The following FLG2 variants were observed in gnomAD, a reference collection of about 807,000 sequenced individuals.
FLG2 encodes filaggrin-2.
Under a neutral mutation model 3.9 loss-of-function variants are expected in FLG2, and 7 were observed. The observed-to-expected ratio is 1.79, with a 90% CI of 1.02 to 3.36. The LOEUF (loss-of-function observed/expected upper bound fraction) is 3.36, where lower values mean the gene tolerates loss of function less well. Among genes scored for constraint, FLG2 ranks in the 30% most tolerant of loss-of-function variants. The pLI is 0.00. For synonymous variants in FLG2, 1,031 were observed against 1,056.1 expected, an observed-to-expected ratio of 0.98 and a Z score of 0.46; for missense variants, 2,700 against 2,809.4, an observed-to-expected ratio of 0.96 and a Z score of 0.88.
Position 152,354,880 on chromosome 1 carries a change from C to A in FLG2, c.2906G>T (p.Gly969Val). Residue 969 changes from glycine to valine, a missense_variant, in exon 3 of 3, where the codon GGT (glycine) becomes GTT (valine). By Grantham distance (109) the Gly-to-Val change is moderately radical. Transcript: ENST00000388718. Reference protein sequence around the residue: ...SGFGQHGSGSGQSSGFGQHES... With the variant: ...SGFGQHGSGSVQSSGFGQHES... Reference sequence around the variant, plus strand: ...ATGTTGTCCAAAGCCAGAGGACTGACCTGAGCCTGATCCATGTTGGCCAAA... The same window carrying A: ...ATGTTGTCCAAAGCCAGAGGACTGAACTGAGCCTGATCCATGTTGGCCAAA... 1 of 1,612,670 alleles carries A rather than the reference C, an allele frequency of 6.2e-7. No individual in the cohort carries two copies. The highest frequency in any genetic ancestry group is 8.5e-7 in the Non-Finnish European group (1 of 1,179,642).
rs2101682210 is a variant in FLG2, at chr1:152,357,448, C to T, written c.338G>A (p.Ser113Asn). The stretch of plus-strand genomic sequence containing the variant: ...ATCCTCTTCATCCTCTTCTGTTTCA[C>T]TTTCTTCTTCTTGGTGTCGGTGACC... ...RRGHRHQEEE[S>N]ETEEDEEDTP... is the part of the protein sequence containing the mutation. The change falls in exon 3 of 3, where the codon AGT (serine) becomes AAT (asparagine). Residue 113 changes from serine to asparagine, a missense_variant. Coordinates refer to ENST00000388718, the MANE Select transcript of FLG2 (RefSeq NM_001014342.3). The T allele has an allele frequency of 6.2e-7, 1 of 1,614,148 alleles. No homozygotes were observed. Among genetic ancestry groups the T allele is most frequent in the East Asian group, 2.2e-5 (1 of 44,874 alleles).
intron 1 of FLG2, among the ~76,000 whole-genome samples, chr1:152,359,321 A>T (rs1286443870): frequency 6.6e-6 from 1 of 152,188 alleles, no homozygotes; most frequent in Non-Finnish European, 1.5e-5. Flanking sequence ...GTCAAAAGTG[A>T]CAGACCTTCC....
rs751267958 is a variant in FLG2, at chr1:152,350,420, TTGAC to T, written c.*186_*189del. On this transcript the variant is annotated 3_prime_UTR_variant, in exon 3 of 3. Transcript: ENST00000388718. ...TATCCAGGTTGAACATAGGTGTTGT[TTGAC>T]TGTTTATGAGTTACTATAGAATGTC... is the stretch of plus-strand genomic sequence containing the variant. 7 of 714,830 alleles carry T rather than the reference TTGAC, an allele frequency of 9.8e-6. No individual in the cohort carries two copies. In the East Asian group the frequency reaches 1.4e-4, roughly 14 times the overall value. The allele number at this position is 714,830 out of a possible 1,614,324, so 44.3% of individuals were successfully genotyped here. A position where few individuals can be genotyped will look rare whatever the true frequency, so the allele number is the denominator to read the frequency against.
intron 2 of FLG2, among the ~76,000 whole-genome samples, chr1:152,358,248 C>G (rs1654322191): frequency 6.6e-6 from 1 of 152,084 alleles, no homozygotes; most frequent in Non-Finnish European, 1.5e-5. Flanking sequence ...GTCTTGATCT[C>G]CTTACCTTGT....
In FLG2 at chr1:152,357,329, A is replaced by G; in HGVS notation, c.457T>C (p.Cys153Arg). ...SSGHSRGTVK[C>R]RHGSNSRRLG... Reference sequence around the variant, plus strand: ...CTCCTGGAGTTGGACCCATGTCTACATTTCACAGTTCCCCTTGAGTGCCCA... The same window carrying G: ...CTCCTGGAGTTGGACCCATGTCTACGTTTCACAGTTCCCCTTGAGTGCCCA... The change falls in exon 3 of 3, where the codon TGT (cysteine) becomes CGT (arginine). Residue 153 changes from cysteine (C) to arginine (R), a missense_variant. Cys to Arg is a radical substitution (Grantham distance 180, BLOSUM62 -3). Coordinates refer to ENST00000388718, the MANE Select transcript of FLG2 (RefSeq NM_001014342.3). 1 of 1,614,064 alleles carries G rather than the reference A, an allele frequency of 6.2e-7. No individual in the cohort carries two copies. The highest frequency in any genetic ancestry group is 8.5e-7 in the Non-Finnish European group (1 of 1,180,014).
Position 152,352,794 on chromosome 1 carries a change from C to T in FLG2, c.4992G>A (p.Gly1664=), listed in dbSNP as rs1570938215. The change falls in exon 3 of 3, where the codon GGG becomes GGA. Residue 1664 remains glycine (G), a synonymous_variant. Transcript: ENST00000388718. ...SESSDSEVHS[G]VSHTHTGHTH... ...TGTGTCCTGTATGTGTGTGTGAGAC[C>T]CCTGAGTGCACTTCACTGTCACTGG... 6.2e-7 allele frequency: 1 copy of T among 1,612,422 alleles called. No individual in the cohort carries two copies. Among genetic ancestry groups the T allele is most frequent in the Non-Finnish European group, 8.5e-7 (1 of 1,179,674 alleles).
intron 1 of FLG2, 109 bp from the exon 2 acceptor site, chr1:152,359,015 T>C (rs1654355086): frequency 9.7e-7 from 1 of 1,029,620 alleles, no homozygotes; most frequent in South Asian, 1.7e-5. Flanking sequence ...GTTTTTTAAA[T>C]CTCAAAACGT....
At position 152,351,537 on chromosome 1, in the gene FLG2, A is replaced by G. The variant is rs552484311; in HGVS notation, c.6249T>C (p.Ala2083=). ...HGQTGDTTRH[A]HSGHGQSTQR... is the part of the protein sequence containing the mutation. Reference sequence around the variant, plus strand: ...GTGTGGACTGTCCATGACCAGAGTGAGCATGTCTAGTGGTATCTCCTGTCT... The same window carrying G: ...GTGTGGACTGTCCATGACCAGAGTGGGCATGTCTAGTGGTATCTCCTGTCT... Residue 2083 remains alanine (A), a synonymous_variant, in exon 3 of 3, where the codon GCT becomes GCC. Transcript: ENST00000388718. 3.6e-4 allele frequency: 556 copies of G among 1,536,302 alleles called. No homozygotes were observed. Among genetic ancestry groups the G allele is most frequent in the African/African-American group, 2.1e-3 (122 of 56,906 alleles).
intron 2 of FLG2, 25 bp downstream of exon 2, chr1:152,358,720 CCT>C: frequency 1.2e-6 from 2 of 1,605,748 alleles, no homozygotes; most frequent in Non-Finnish European, 8.5e-7. Flanking sequence ...ACTCCAGCAG[CCT>C]TCAGTTCTGG....
Position 152,356,292 on chromosome 1 carries a change from G to T in FLG2, c.1494C>A (p.Gly498=). 2 of 1,613,848 alleles carry T rather than the reference G, an allele frequency of 1.2e-6. No individual in the cohort carries two copies. Among genetic ancestry groups the T allele is most frequent in the Non-Finnish European group, 1.7e-6 (2 of 1,179,962 alleles). ...GTCCAAAGCCAGAGGACTGACCTGA[G>T]CCTGACCCACATTGTCCAAAGCCAG... ...QSSGFGQCGS[G]SGQSSGFGQH... Residue 498 remains glycine (G), a synonymous_variant, in exon 3 of 3, where the codon GGC becomes GGA. Transcript: ENST00000388718.
rs1477377707 is a variant in FLG2, at chr1:152,355,020, A to G, written c.2766T>C (p.Tyr922=). 1.3e-6 allele frequency: 2 copies of G among 1,565,970 alleles called. No homozygotes were observed. The highest frequency in any genetic ancestry group is 3.6e-5 in the Admixed American group (2 of 55,118). The stretch of plus-strand genomic sequence containing the variant: ...GACTTGAGCCAGAACCATGTTGGCC[A>G]TAGCTAGACTGATGTGATCTAGACT... ...QHESRSHQSS[Y]GQHGSGSSQS... is the part of the protein sequence containing the mutation. The change falls in exon 3 of 3, where the codon TAT becomes TAC. Residue 922 remains tyrosine, a synonymous_variant. Transcript: ENST00000388718.
rs149671990 is a variant in FLG2 at position 152,351,898 on chromosome 1, C to T, written c.5888G>A (p.Gly1963Glu). 9.1e-5 allele frequency: 147 copies of T among 1,608,252 alleles called. 1 individual carries two copies. The South Asian group carries it at 1.4e-3, about 16-fold the overall frequency. The change falls in exon 3 of 3, where the codon GGG becomes GAG. Residue 1963 changes from glycine (G) to glutamate (E), a missense_variant. Transcript: ENST00000388718. ...ATGTGTGTGTGAGACCCCTGAGGGC[C>T]CTTCACTGTCACTGTACTCACTGTG... ...SGHSEYSDSE[G>E]PSGVSHTHSG... is the part of the protein sequence containing the mutation.
chr1:152,351,977 G>T lies in FLG2; in HGVS notation c.5809C>A (p.His1937Asn). ...GACCCTGTCTGTATGGTTTGTCCAT[G>T]ACTAGGGTGGCCATGTTCAGTGGTA... ...GDTTEHGHPS[H>N]GQTIQTGSRT... The change falls in exon 3 of 3, where the codon CAT becomes AAT. Residue 1937 changes from histidine to asparagine, a missense_variant. Physicochemically the swap from His to Asn is moderately conservative, Grantham distance 68 (BLOSUM62 1). Transcript: ENST00000388718. 1 of 1,613,692 alleles carries T rather than the reference G, an allele frequency of 6.2e-7. No homozygotes were observed. The highest frequency in any genetic ancestry group is 8.5e-7 in the Non-Finnish European group (1 of 1,179,870).
rs758626431 is a variant in FLG2 at position 152,354,970 on chromosome 1, C to A, written c.2816G>T (p.Gly939Val). The change falls in exon 3 of 3, where the codon GGG becomes GTG. Residue 939 changes from glycine (G) to valine (V), a missense_variant. Coordinates refer to ENST00000388718, the MANE Select transcript of FLG2 (RefSeq NM_001014342.3). ...SSQSSGYGQHGSSSGQTFGFG... is the reference protein window; with the variant it reads ...SSQSSGYGQHVSSSGQTFGFG... The stretch of plus-strand genomic sequence containing the variant: ...TCCAAAAGTCTGTCCTGAACTTGAC[C>A]CATGTTGACCATAGCCAGATGACTG... 14 of 1,589,912 alleles carry A rather than the reference C, an allele frequency of 8.8e-6. No homozygotes were observed. Among genetic ancestry groups the A allele is most frequent in the East Asian group, 5.0e-5 (2 of 39,916 alleles).
Position 152,353,122 on chromosome 1 carries a change from T to G in FLG2, c.4664A>C (p.Tyr1555Ser). The change falls in exon 3 of 3, where the codon TAC becomes TCC. Residue 1555 changes from tyrosine (Y) to serine (S), a missense_variant. Physicochemically the swap from Tyr to Ser is moderately radical, Grantham distance 144 (BLOSUM62 -2). Coordinates refer to ENST00000388718, the MANE Select transcript of FLG2 (RefSeq NM_001014342.3). ...GQTGDTTRHS[Y>S]SGHEQTTQTG... ...CTGTGTGGTTTGTTCATGACCAGAG[T>G]AGGAATGTCTAGTGGTATCTCCTGT... 1 of 1,613,656 alleles carries G rather than the reference T, an allele frequency of 6.2e-7. No homozygotes were observed. Among genetic ancestry groups the G allele is most frequent in the Non-Finnish European group, 8.5e-7 (1 of 1,179,930 alleles).
rs749630359 is a variant in FLG2, at chr1:152,356,580, G to A, written c.1206C>T (p.Gly402=). Residue 402 remains glycine, a synonymous_variant, in exon 3 of 3, where the codon GGC becomes GGT. Coordinates refer to ENST00000388718, the MANE Select transcript of FLG2 (RefSeq NM_001014342.3). ...TTGAACTAGAAGAGTTTGAAAAGCG[G>A]CCACAGGAACCATATTCATGTTGAC... ...SNGQHEYGSC[G]RFSNSSSSNE... The A allele has an allele frequency of 1.9e-6, 3 of 1,613,932 alleles. No homozygotes were observed. In the African/African-American group the frequency reaches 4.0e-5, roughly 22 times the overall value.
In FLG2 at chr1:152,357,149, T is replaced by C; in HGVS notation, c.637A>G (p.Ile213Val). 2 of 1,614,228 alleles carry C rather than the reference T, an allele frequency of 1.2e-6. No individual in the cohort carries two copies. The highest frequency in any genetic ancestry group is 3.3e-5 in the Admixed American group (2 of 60,032). The change falls in exon 3 of 3, where the codon ATT becomes GTT. Residue 213 changes from isoleucine to valine, a missense_variant. Coordinates refer to ENST00000388718, the MANE Select transcript of FLG2 (RefSeq NM_001014342.3). ...TCCCCAGATTCCCTAGAAGGGCTAA[T>C]GTGTGACTTGTTTATTCTTTCTCTC... ...ELRERINKSH[I>V]SPSRESGEEY...
chr1:152,355,996 C>G lies in FLG2; in HGVS notation c.1790G>C (p.Gly597Ala). ...SGQSSGFGQHGSGSGQSSGFG... is the reference protein window; with the variant it reads ...SGQSSGFGQHASGSGQSSGFG... ...GCCAGAGGATTGTCCTGAGCCAGAC[C>G]CATGTTGTCCAAAGCCAGAGGACTG... Residue 597 changes from glycine (G) to alanine (A), a missense_variant, in exon 3 of 3, where the codon GGG becomes GCG. Physicochemically the swap from Gly to Ala is moderately conservative, Grantham distance 60. Transcript: ENST00000388718. The G allele has an allele frequency of 2.5e-6, 4 of 1,600,708 alleles. No individual in the cohort carries two copies. Among genetic ancestry groups the G allele is most frequent in the Non-Finnish European group, 3.4e-6 (4 of 1,176,258 alleles).
Position 152,350,512 on chromosome 1 carries a change from T to A in FLG2, c.*98A>T. On this transcript the variant is annotated 3_prime_UTR_variant, in exon 3 of 3. Transcript: ENST00000388718. ...AGACTGATACTGAGAATCAACTGAA[T>A]GTTCATAACTTACCATTGACTGTTC... 1 of 1,419,644 alleles carries A rather than the reference T, an allele frequency of 7.0e-7. No homozygotes were observed. The highest frequency in any genetic ancestry group is 9.5e-7 in the Non-Finnish European group (1 of 1,055,862). 87.9% of individuals were successfully genotyped at this position (1,419,644 alleles called of 1,614,324 possible).
Sources: allele counts gnomAD v4.1 joint callset (sites outside exome capture counted in the v4.1 genomes callset), GRCh38; gene constraint gnomAD v4.1.1; transcripts MANE v1.5; gene names NCBI Gene and HGNC (gene_info 2026-07-23, HGNC 2026-07-21).